Variants in TENM3 observed in about 807,000 individuals in gnomAD.
The protein encoded by TENM3 is teneurin-3.
Under a neutral mutation model 255.1 loss-of-function variants are expected in TENM3, and 63 were observed. The ratio of observed to expected loss-of-function variants is 0.25; its 90% CI spans 0.20 to 0.30. The LOEUF (loss-of-function observed/expected upper bound fraction) is 0.30, where lower values mean the gene tolerates loss of function less well. TENM3 is among the 10% of genes least tolerant of loss of function. TENM3 has a pLI of 1.00. For synonymous variants in TENM3, 1,306 were observed against 1,322.3 expected, an observed-to-expected ratio of 0.99 and a Z score of 0.27; for missense variants, 2,929 against 3,461.1, an observed-to-expected ratio of 0.85 and a Z score of 3.86.
chr4:182,326,740 C>T (rs1049719029), intron 2 of TENM3, among the ~76,000 whole-genome samples: 6 of 151,870 alleles, frequency 4.0e-5, no homozygotes, highest in Non-Finnish European at 5.9e-5. Context: ...GACAGGGTCT[C>T]GCTTGTTCCT....
intron 1 of TENM3, among the ~76,000 whole-genome samples, chr4:182,272,067 G>A (rs1759671701): frequency 6.6e-6 from 1 of 152,188 alleles, no homozygotes; most frequent in Admixed American, 6.5e-5. Context: ...TTATTGTATA[G>A]TGAACATAAC....
the TENM3 span, among the ~76,000 whole-genome samples, chr4:181,844,251 G>A: frequency 7.2e-5 from 11 of 152,058 alleles, no homozygotes; most frequent in East Asian, 3.9e-4. Context: ...AGTTTTCAGC[G>A]TATGAACTTT....
chr4:181,464,939 G>A, the TENM3 span, among the ~76,000 whole-genome samples: 3 of 152,088 alleles, frequency 2.0e-5, no homozygotes, highest in South Asian at 4.1e-4. Context: ...GGCAACAAGA[G>A]TGAAATCACA....
At chr4:181,867,371 C>A in the TENM3 span, among the ~76,000 whole-genome samples, 1 of 152,110 alleles carries the variant, frequency 6.6e-6, no homozygotes, top group African/African-American at 2.4e-5. Flanking sequence ...CCTTGAAGAC[C>A]ATACTCATCC....
At chr4:181,981,992 A>T in the TENM3 span, among the ~76,000 whole-genome samples, 1 of 152,118 alleles carries the variant, frequency 6.6e-6, no homozygotes. Context: ...GTGGGAAGTG[A>T]ATGTTTGCCT....
intron 3 of TENM3, among the ~76,000 whole-genome samples, chr4:182,539,876 C>A (rs1323087693): frequency 6.6e-6 from 1 of 152,180 alleles, no homozygotes; most frequent in Non-Finnish European, 1.5e-5. Context: ...CTTCCAGACA[C>A]CCACGTGGAG....
chr4:182,601,941 AT>A (rs1296503195), intron 4 of TENM3, among the ~76,000 whole-genome samples: 1 of 152,224 alleles, frequency 6.6e-6, no homozygotes, highest in Non-Finnish European at 1.5e-5. Flanking sequence ...TACACATAGC[AT>A]AGTGTTTCAT....
chr4:182,343,080 G>A lies in TENM3; in HGVS notation c.233-3571G>A, dbSNP rs192003649. Among the ~76,000 whole-genome samples, 64 of 152,036 alleles carry A rather than the reference G, an allele frequency of 4.2e-4. No homozygotes were observed. In the East Asian group the frequency reaches 0.012, roughly 29 times the overall value. On this transcript the variant is annotated intron_variant, in intron 2 of 27. Coordinates refer to ENST00000511685, the MANE Select transcript of TENM3 (RefSeq NM_001080477.4). Reference sequence around the variant, plus strand: ...AATACCCTCACTCGTTTTTTAAAACGTGAACCTAAAAAAAATGATGCAGCC... The same window carrying A: ...AATACCCTCACTCGTTTTTTAAAACATGAACCTAAAAAAAATGATGCAGCC...
chr4:182,051,331 A>G, the TENM3 span, among the ~76,000 whole-genome samples: 9 of 151,248 alleles, frequency 6.0e-5, no homozygotes, highest in Non-Finnish European at 1.0e-4. Flanking sequence ...CGACAAGAGC[A>G]AAACTACTTC....
chr4:181,473,502 G>A, the TENM3 span, among the ~76,000 whole-genome samples: 3 of 152,022 alleles, frequency 2.0e-5, no homozygotes, highest in African/African-American at 7.2e-5. Flanking sequence ...TGAGGTCGGA[G>A]ACTCAGTTGA....
chr4:182,742,259 T>G (rs1761663579), intron 18 of TENM3, among the ~76,000 whole-genome samples: 1 of 152,248 alleles, frequency 6.6e-6, no homozygotes, highest in South Asian at 2.1e-4. Context: ...ATGAAAATAT[T>G]TAATATTCAT....
At position 182,414,663 on chromosome 4, in the gene TENM3, CT is replaced by C. The variant is rs1770238234; in HGVS notation, c.511+67737del. On this transcript the variant is annotated intron_variant, in intron 3 of 27. Coordinates refer to ENST00000511685, the MANE Select transcript of TENM3 (RefSeq NM_001080477.4). ...TAAACTTGCATAGAAATGTAGTTCACTTTAAAATATGTATAATATTGAACTA... is the reference window on the plus strand; with the variant it reads ...TAAACTTGCATAGAAATGTAGTTCACTTAAAATATGTATAATATTGAACTA... 2.0e-5 allele frequency among the ~76,000 whole-genome samples: 3 copies of C among 152,192 alleles called. No individual in the cohort carries two copies. The South Asian group carries it at 6.2e-4, about 32-fold the overall frequency.
the TENM3 span, among the ~76,000 whole-genome samples, chr4:181,495,918 A>AG: frequency 4.2e-4 from 63 of 150,438 alleles, no homozygotes; most frequent in East Asian, 3.5e-3. Context: ...AAAAAAAAAA[A>AG]AAAAGAAACA....
At position 182,792,330 on chromosome 4, in the gene TENM3, G is replaced by C. The variant is rs753480334; in HGVS notation, c.5658G>C (p.Trp1886Cys). Residue 1886 changes from tryptophan (W) to cysteine (C), a missense_variant, in exon 26 of 28, where the codon TGG becomes TGC. Physicochemically the swap from Trp to Cys is radical, Grantham distance 215. Transcript: ENST00000511685. The surrounding 1 kb of genome is among the most constrained non-coding windows in gnomAD (Gnocchi z 6.3). Reference protein sequence around the residue: ...QRQYIFEYDMWDRLSAITMPS... With the variant: ...QRQYIFEYDMCDRLSAITMPS... ...AGTACATCTTCGAATACGATATGTG[G>C]GACCGCCTGTCTGCCATCACCATGC... The C allele has an allele frequency of 1.9e-6, 3 of 1,613,876 alleles. No individual in the cohort carries two copies. Among genetic ancestry groups the C allele is most frequent in the Non-Finnish European group, 2.5e-6 (3 of 1,179,906 alleles).
the TENM3 span, among the ~76,000 whole-genome samples, chr4:181,758,257 C>G: frequency 2.0e-5 from 3 of 152,180 alleles, no homozygotes; most frequent in Admixed American, 2.0e-4. Flanking sequence ...GGACAGAAGG[C>G]CCAGCAGAAG....
At chr4:182,230,083 A>C (rs762996530) in intron 1 of TENM3, among the ~76,000 whole-genome samples, 7 of 151,566 alleles carry the variant, frequency 4.6e-5, no homozygotes, top group Non-Finnish European at 8.8e-5. Context: ...AATTAGATAT[A>C]AGCAGACAGA....
At chr4:182,066,754 CA>C in the TENM3 span, among the ~76,000 whole-genome samples, 31 of 151,692 alleles carry the variant, frequency 2.0e-4, no homozygotes, top group East Asian at 2.3e-3. Context: ...ACTAAAAATA[CA>C]AAAAAATTAG....
the TENM3 span, among the ~76,000 whole-genome samples, chr4:182,001,231 G>C: frequency 3.3e-5 from 5 of 151,702 alleles, no homozygotes; most frequent in African/African-American, 1.2e-4. Context: ...ATGGGTCTTG[G>C]TGTTTTTCAA....
the TENM3 span, among the ~76,000 whole-genome samples, chr4:181,886,552 T>C: frequency 6.6e-6 from 1 of 152,202 alleles, no homozygotes; most frequent in Non-Finnish European, 1.5e-5. Flanking sequence ...TTTCACCCAG[T>C]GTTCATAATT....
Sources: gnomAD v4.1 joint callset for allele counts (sites outside exome capture counted in the v4.1 genomes callset) on GRCh38, gnomAD v4.1.1 for gene constraint, Gnocchi (gnomAD v3.1) non-coding constraint, MANE v1.5 for transcripts, NCBI Gene and HGNC (gene_info 2026-07-23, HGNC 2026-07-21) for gene names.